Variants in TFEB observed in about 807,000 individuals in gnomAD.
TFEB encodes transcription factor EB.
Under a neutral mutation model 48.0 loss-of-function variants are expected in TFEB, and 12 were observed. The ratio of observed to expected loss-of-function variants is 0.25; its 90% CI spans 0.16 to 0.40. The LOEUF is 0.40. Ranked by LOEUF, TFEB falls within the 10% of genes least tolerant of loss-of-function variation. The probability of loss-of-function intolerance (pLI) is 1.00; values close to 1 mark genes in which losing one functional copy is unlikely to be tolerated. For missense variants in TFEB, 509 were observed against 640.3 expected (o/e 0.79, Z 2.21); for synonymous variants, 244 against 261.4 (o/e 0.93, Z 0.64).
intron 1 of TFEB, among the ~76,000 whole-genome samples, chr6:41,702,135 C>T (rs1052781954): frequency 6.6e-6 from 1 of 152,060 alleles, no homozygotes; most frequent in South Asian, 2.1e-4. Flanking sequence ...CACTCCCAGT[C>T]CTGCGCCCCC....
At chr6:41,721,944 C>T (rs566335704) in intron 1 of TFEB, among the ~76,000 whole-genome samples, 2 of 152,304 alleles carry the variant, frequency 1.3e-5, no homozygotes, top group East Asian at 3.9e-4. Context: ...TAGGAAGTCT[C>T]TTCCAACTCC....
In TFEB at chr6:41,684,465, G is replaced by A; in HGVS notation, c.*134C>T. The A allele has an allele frequency of 1.7e-6, 2 of 1,179,092 alleles. No homozygotes were observed. Among genetic ancestry groups the A allele is most frequent in the Non-Finnish European group, 2.2e-6 (2 of 894,232 alleles). 73.0% of individuals were successfully genotyped at this position (1,179,092 alleles called of 1,614,324 possible). A position where few individuals can be genotyped will look rare whatever the true frequency, so the allele number is the denominator to read the frequency against. ...CAGACAGGCACTAAGTCCAAACAGG[G>A]GCCAACGGGGAGGAGGGAGGCAGGG... On this transcript the variant is annotated 3_prime_UTR_variant, in exon 9 of 9. Coordinates refer to ENST00000373033, the MANE Select transcript of TFEB (RefSeq NM_001271944.2).
intron 1 of TFEB, among the ~76,000 whole-genome samples, chr6:41,716,765 A>T (rs1314177952): frequency 1.3e-5 from 2 of 152,068 alleles, no homozygotes; most frequent in Non-Finnish European, 2.9e-5. Flanking sequence ...GCTAAGAATA[A>T]CTTGGGCAAA....
intron 1 of TFEB, among the ~76,000 whole-genome samples, chr6:41,696,258 C>A (rs75482294): frequency 0.066 from 10,091 of 152,302 alleles, 453 homozygotes; most frequent in Non-Finnish European, 0.092. Context: ...TGAAAACACA[C>A]TCCATGACCC....
chr6:41,685,073 C>T lies in TFEB; in HGVS notation c.957G>A (p.Leu319=). ...GGCCGTGCACTCGAGCCTGCATCTC[C>T]AGCTCCTGCAGGGGAGCAGACAGAA... The part of the protein sequence containing the change: ...NKQLWLRIQE[L]EMQARVHGLP... The change falls in exon 9 of 9, where the codon CTG becomes CTA. Residue 319 remains leucine (L), a synonymous_variant. Coordinates refer to ENST00000373033, the MANE Select transcript of TFEB (RefSeq NM_001271944.2). The T allele has an allele frequency of 6.9e-7, 1 of 1,442,224 alleles. No individual in the cohort carries two copies. The highest frequency in any genetic ancestry group is 9.1e-7 in the Non-Finnish European group (1 of 1,094,304). 89.3% of individuals were successfully genotyped at this position (1,442,224 alleles called of 1,614,324 possible).
chr6:41,721,892 C>G (rs1179752197), intron 1 of TFEB, among the ~76,000 whole-genome samples: 1 of 152,208 alleles, frequency 6.6e-6, no homozygotes, highest in East Asian at 1.9e-4. Context: ...TGGCCTTCAA[C>G]TGCTCTCTCA....
chr6:41,734,919 A>C lies in TFEB; in HGVS notation c.-23+431T>G, dbSNP rs895617070. 25 of 983,446 alleles carry C rather than the reference A, an allele frequency of 2.5e-5. No individual in the cohort carries two copies. The highest frequency in any genetic ancestry group is 3.0e-5 in the Non-Finnish European group (25 of 829,542). The allele number at this position is 983,446 out of a possible 1,614,324, so 60.9% of individuals were successfully genotyped here. Reference sequence around the variant, plus strand: ...CCCTACCTCCGACCCCCTCTCAGGCATCGCCGGCCCCAGCCGTGTCCGGTG... The same window carrying C: ...CCCTACCTCCGACCCCCTCTCAGGCCTCGCCGGCCCCAGCCGTGTCCGGTG... On this transcript the variant is annotated intron_variant, in intron 1 of 8. Coordinates refer to ENST00000373033, the MANE Select transcript of TFEB (RefSeq NM_001271944.2). The surrounding 1 kb of genome is among the most constrained non-coding windows in gnomAD (Gnocchi z 4.0).
At position 41,684,409 on chromosome 6, in the gene TFEB, T is replaced by C. The variant is rs927286401; in HGVS notation, c.*190A>G. The C allele has an allele frequency of 1.7e-6, 1 of 602,010 alleles. No homozygotes were observed. Among genetic ancestry groups the C allele is most frequent in the Non-Finnish European group, 2.6e-6 (1 of 389,430 alleles). The allele number at this position is 602,010 out of a possible 1,614,324, so 37.3% of individuals were successfully genotyped here. ...ACTGCGCCAGTCAAGAGGGCTGCCC[T>C]GGGGGTGCTTCTCCTGACCCCACAG... On this transcript the variant is annotated 3_prime_UTR_variant, in exon 9 of 9. Coordinates refer to ENST00000373033, the MANE Select transcript of TFEB (RefSeq NM_001271944.2).
intron 1 of TFEB, chr6:41,733,152 T>TGGAAG: frequency 8.2e-6 from 5 of 610,160 alleles, no homozygotes; most frequent in Non-Finnish European, 1.0e-5. Flanking sequence ...ACTTGAGGGG[T>TGGAAG]GGGAGTCCCC....
chr6:41,734,272 C>T lies in TFEB; in HGVS notation c.-23+1078G>A, dbSNP rs1036074063. On this transcript the variant is annotated intron_variant, in intron 1 of 8. Coordinates refer to ENST00000373033, the MANE Select transcript of TFEB (RefSeq NM_001271944.2). The surrounding 1 kb of genome is among the most constrained non-coding windows in gnomAD (Gnocchi z 4.0). ...GCGGGGGCCTGGGCCCAGCGGGGTTCGCGCAGACAAGCCCCGCCCCGGGCT... is the reference window on the plus strand; with the variant it reads ...GCGGGGGCCTGGGCCCAGCGGGGTTTGCGCAGACAAGCCCCGCCCCGGGCT... 1.0e-5 allele frequency: 9 copies of T among 866,710 alleles called. No individual in the cohort carries two copies. Among genetic ancestry groups the T allele is most frequent in the Non-Finnish European group, 1.2e-5 (9 of 721,822 alleles). The allele number at this position is 866,710 out of a possible 1,614,324, so 53.7% of individuals were successfully genotyped here.
intron 1 of TFEB, among the ~76,000 whole-genome samples, chr6:41,701,198 C>T (rs1769902546): frequency 6.6e-6 from 1 of 152,228 alleles, no homozygotes; most frequent in Non-Finnish European, 1.5e-5. Context: ...CCTCAGCTGC[C>T]GCTTGCAGTC....
At chr6:41,735,184 G>A in intron 1 of TFEB, 166 bp downstream of exon 1, 1 of 902,362 alleles carries the variant, frequency 1.1e-6, no homozygotes, top group Non-Finnish European at 1.3e-6. Flanking sequence ...GCGCCCGGGG[G>A]CGGACGGACT....
At chr6:41,690,640 C>T (rs758225705) in intron 3 of TFEB, 23 bp downstream of exon 3, 2 of 1,500,590 alleles carry the variant, frequency 1.3e-6, no homozygotes, top group South Asian at 1.4e-5. Flanking sequence ...AGCAGCATGG[C>T]CACTGGCCAG....
intron 1 of TFEB, among the ~76,000 whole-genome samples, chr6:41,710,995 A>G (rs979064712): frequency 3.9e-5 from 6 of 152,202 alleles, no homozygotes; most frequent in Admixed American, 3.9e-4. Context: ...GGTTTTTACA[A>G]TCCAGCTTGG....
intron 4 of TFEB, among the ~76,000 whole-genome samples, chr6:41,688,493 G>A (rs1769132094): frequency 6.6e-6 from 1 of 152,046 alleles, no homozygotes; most frequent in African/African-American, 2.4e-5. Flanking sequence ...GGGGGTGGAG[G>A]TGCTGTAGGC....
In TFEB at chr6:41,691,890, G is replaced by A. The variant is rs924702567; in HGVS notation, c.-22-655C>T. Among the ~76,000 whole-genome samples, 1 of 151,924 alleles carries A rather than the reference G, an allele frequency of 6.6e-6. No individual in the cohort carries two copies. Among genetic ancestry groups the A allele is most frequent in the Non-Finnish European group, 1.5e-5 (1 of 67,990 alleles). On this transcript the variant is annotated intron_variant, in intron 1 of 8. Transcript: ENST00000373033. This position sits in a 1 kb window ranked among gnomAD's most constrained non-coding sequence, Gnocchi z 5.2. Reference sequence around the variant, plus strand: ...CTCTCCCTCTTGTTTTATCTGCTCCGGCTACATCCTCCAGGCACTTTGAAA... The same window carrying A: ...CTCTCCCTCTTGTTTTATCTGCTCCAGCTACATCCTCCAGGCACTTTGAAA...
At chr6:41,717,486 A>G (rs1770788170) in intron 1 of TFEB, among the ~76,000 whole-genome samples, 1 of 152,226 alleles carries the variant, frequency 6.6e-6, no homozygotes, top group African/African-American at 2.4e-5. Context: ...CAAGATGATG[A>G]GTTTCATTAC....
chr6:41,705,114 C>T (rs1235744481), intron 1 of TFEB, among the ~76,000 whole-genome samples: 3 of 152,212 alleles, frequency 2.0e-5, no homozygotes, highest in Non-Finnish European at 4.4e-5. Flanking sequence ...GACTTGCCTG[C>T]CTGCCCAAAG....
At chr6:41,721,910 A>G (rs1232841366) in intron 1 of TFEB, among the ~76,000 whole-genome samples, 1 of 151,936 alleles carries the variant, frequency 6.6e-6, no homozygotes, top group Non-Finnish European at 1.5e-5. Flanking sequence ...TCAAGACTAC[A>G]CCCTGGCAGG....
Sources: gnomAD v4.1 joint callset for allele counts (sites outside exome capture counted in the v4.1 genomes callset) on GRCh38, gnomAD v4.1.1 for gene constraint, Gnocchi (gnomAD v3.1) non-coding constraint, MANE v1.5 for transcripts, NCBI Gene and HGNC (gene_info 2026-07-23, HGNC 2026-07-21) for gene names.